WDR7: variants seen among roughly 807,000 people sequenced by gnomAD.
WDR7 encodes WD repeat-containing protein 7.
WDR7 carries 46 observed loss-of-function variants against 169.4 expected under a neutral mutation model. The observed-to-expected ratio is 0.27, with a 90% CI of 0.21 to 0.35. The LOEUF is 0.35. WDR7 is among the 10% of genes least tolerant of loss of function. The pLI is 1.00. For synonymous variants in WDR7, 612 were observed against 666.8 expected (o/e 0.92, Z 1.27); for missense variants, 1,534 against 1,859.3 (o/e 0.83, Z 3.22).
At chr18:56,809,832 C>A (rs1404697664) in intron 19 of WDR7, among the ~76,000 whole-genome samples, 2 of 151,844 alleles carry the variant, frequency 1.3e-5, no homozygotes, top group Admixed American at 1.3e-4. Flanking sequence ...TAGTAAAATG[C>A]ACACTTTTAA....
chr18:56,689,501 C>G, intron 7 of WDR7, among the ~76,000 whole-genome samples: 1 of 152,218 alleles, frequency 6.6e-6, no homozygotes, highest in African/African-American at 2.4e-5. Context: ...ATCAAGTGGT[C>G]AGCTTGCCTT....
At chr18:56,680,473 G>T in intron 3 of WDR7, among the ~76,000 whole-genome samples, 1 of 152,132 alleles carries the variant, frequency 6.6e-6, no homozygotes, top group Non-Finnish European at 1.5e-5. Flanking sequence ...GTCAATTAAA[G>T]GATAATTCCC....
intron 25 of WDR7, among the ~76,000 whole-genome samples, chr18:56,948,093 A>T (rs1035915840): frequency 6.6e-6 from 1 of 152,110 alleles, no homozygotes; most frequent in African/African-American, 2.4e-5. Flanking sequence ...TCTTCAGAGC[A>T]AAAATTAGAT....
At chr18:56,658,498 A>G (rs1568121504) in intron 1 of WDR7, among the ~76,000 whole-genome samples, 1 of 152,180 alleles carries the variant, frequency 6.6e-6, no homozygotes, top group Non-Finnish European at 1.5e-5. Flanking sequence ...TTTGCACATC[A>G]TGTTTCTCTC....
chr18:56,855,372 T>A (rs868138445), intron 20 of WDR7, among the ~76,000 whole-genome samples: 1 of 152,188 alleles, frequency 6.6e-6, no homozygotes, highest in African/African-American at 2.4e-5. Flanking sequence ...TTCTTTAAGA[T>A]GCCTTTGATA....
intron 25 of WDR7, among the ~76,000 whole-genome samples, chr18:56,953,137 A>G (rs2047205206): frequency 6.6e-6 from 1 of 152,204 alleles, no homozygotes; most frequent in African/African-American, 2.4e-5. Flanking sequence ...GGCTGTGTGT[A>G]TGCAGAGGTA....
At chr18:56,695,491 C>T (rs2025679730) in intron 11 of WDR7, among the ~76,000 whole-genome samples, 1 of 151,742 alleles carries the variant, frequency 6.6e-6, no homozygotes, top group African/African-American at 2.4e-5. Context: ...TACTGTATTA[C>T]CAGTAATTCT....
At chr18:56,761,884 T>G (rs2043985825) in intron 16 of WDR7, among the ~76,000 whole-genome samples, 1 of 152,094 alleles carries the variant, frequency 6.6e-6, no homozygotes, top group Non-Finnish European at 1.5e-5. Context: ...TAAAATAATT[T>G]ATCTGGGGAT....
chr18:56,970,647 T>C (rs1447012415), intron 26 of WDR7, among the ~76,000 whole-genome samples: 1 of 152,154 alleles, frequency 6.6e-6, no homozygotes, highest in African/African-American at 2.4e-5. Context: ...GGGATATTTG[T>C]TACAACTGAT....
rs183341174 is a variant in WDR7, at chr18:56,936,786, G to C, written c.3831+881G>C. On this transcript the variant is annotated intron_variant, in intron 23 of 27. Transcript: ENST00000254442. ...GTATAGGCTTATGTGAGGCACTGAG[G>C]CTTTGAATTCATATCTAAAATAAAT... 1.5e-3 allele frequency among the ~76,000 whole-genome samples: 229 copies of C among 152,228 alleles called. 2 individuals are homozygous for C. Among genetic ancestry groups the C allele is most frequent in the Middle Eastern group, 3.4e-3 (1 of 294 alleles).
At chr18:56,751,399 C>A (rs996182243) in intron 14 of WDR7, among the ~76,000 whole-genome samples, 33 of 152,308 alleles carry the variant, frequency 2.2e-4, no homozygotes, top group African/African-American at 7.5e-4. Context: ...AATTTCTTTA[C>A]CAAGCATGTT....
chr18:56,694,069 C>T (rs1035746705), intron 9 of WDR7, among the ~76,000 whole-genome samples: 5 of 151,258 alleles, frequency 3.3e-5, no homozygotes, highest in African/African-American at 9.7e-5. Context: ...GACAGGATTT[C>T]GCTTAGTTGT....
rs191505068 is a variant in WDR7 at position 56,741,770 on chromosome 18, C to T, written c.1989+10173C>T. 5.1e-4 allele frequency among the ~76,000 whole-genome samples: 78 copies of T among 152,268 alleles called. No individual in the cohort carries two copies. The East Asian group carries it at 0.013, about 26-fold the overall frequency. The stretch of plus-strand genomic sequence containing the variant: ...ACATTACGGAACAAAACTAAATTCT[C>T]AAAACTAACTAAATATTTAATTCAT... On this transcript the variant is annotated intron_variant, in intron 14 of 27. Coordinates refer to ENST00000254442, the MANE Select transcript of WDR7 (RefSeq NM_015285.3).
chr18:57,033,610 T>A (rs1186431093), downstream of WDR7: 1 of 152,230 alleles, frequency 6.6e-6, no homozygotes, highest in Non-Finnish European at 1.5e-5. Context: ...AAGTTGTGTG[T>A]TCTCCTACTC....
intron 25 of WDR7, among the ~76,000 whole-genome samples, chr18:56,943,252 A>G (rs1458201012): frequency 1.3e-5 from 2 of 152,220 alleles, no homozygotes; most frequent in South Asian, 4.1e-4. Flanking sequence ...AATGCCTTTC[A>G]TGAAATAGGA....
intron 1 of WDR7, among the ~76,000 whole-genome samples, chr18:56,660,547 AC>A (rs1413883038): frequency 6.6e-6 from 1 of 152,084 alleles, no homozygotes; most frequent in Non-Finnish European, 1.5e-5. Flanking sequence ...AGGATACTCA[AC>A]CTATAGATGG....
intron 26 of WDR7, among the ~76,000 whole-genome samples, chr18:57,019,919 G>A (rs2048263783): frequency 6.6e-6 from 1 of 152,164 alleles, no homozygotes; most frequent in African/African-American, 2.4e-5. Flanking sequence ...GCAGAGGTAT[G>A]GTTTTAAATA....
chr18:56,656,136 G>A (rs889060085), intron 1 of WDR7, among the ~76,000 whole-genome samples: 7 of 152,068 alleles, frequency 4.6e-5, no homozygotes, highest in African/African-American at 1.7e-4. Context: ...GTTGCTGGAT[G>A]GTATGGTAAG....
At chr18:56,818,445 G>T (rs2045022960) in intron 20 of WDR7, among the ~76,000 whole-genome samples, 2 of 152,124 alleles carry the variant, frequency 1.3e-5, no homozygotes, top group Admixed American at 6.5e-5. Flanking sequence ...CTGTAAGTTT[G>T]GTTAAACATA....
Sources: allele counts gnomAD v4.1 joint callset (sites outside exome capture counted in the v4.1 genomes callset), GRCh38; gene constraint gnomAD v4.1.1; transcripts MANE v1.5; gene names NCBI Gene and HGNC (gene_info 2026-07-23, HGNC 2026-07-21).